GALNT17: variants seen among roughly 807,000 people sequenced by gnomAD.
GALNT17 encodes the protein polypeptide N-acetylgalactosaminyltransferase 17, also known as UDP-GalNAc:polypeptide N-acetylgalactosaminyltransferase-like 3.
Under a neutral mutation model 63.7 loss-of-function variants are expected in GALNT17, and 29 were observed. That is an observed-to-expected ratio of 0.46 (90% CI 0.34 to 0.62). The LOEUF (loss-of-function observed/expected upper bound fraction) is 0.62. Among genes scored for constraint, GALNT17 ranks in the 20% least tolerant of loss-of-function variants. The probability of loss-of-function intolerance (pLI) is 0.01; values close to 1 mark genes in which losing one functional copy is unlikely to be tolerated. For missense variants in GALNT17, 603 were observed against 799.6 expected (o/e 0.75, Z 2.97); for synonymous variants, 305 against 318.3 (o/e 0.96, Z 0.45).
At chr7:71,527,342 C>T (rs758168474) in intron 5 of GALNT17, among the ~76,000 whole-genome samples, 37 of 152,080 alleles carry the variant, frequency 2.4e-4, no homozygotes, top group East Asian at 1.9e-4. Context: ...TGCATAACAC[C>T]GCCGTTTAAA....
At position 71,346,406 on chromosome 7, in the gene GALNT17, C is replaced by G. The variant is rs551816047; in HGVS notation, c.422+10673C>G. 6.2e-4 allele frequency among the ~76,000 whole-genome samples: 95 copies of G among 152,126 alleles called. 1 individual carries two copies. Among genetic ancestry groups the G allele is most frequent in the African/African-American group, 2.1e-3 (89 of 41,494 alleles). On this transcript the variant is annotated intron_variant, in intron 2 of 10. Coordinates refer to ENST00000333538, the MANE Select transcript of GALNT17 (RefSeq NM_022479.3). Reference sequence around the variant, plus strand: ...ATAATTTTTCCCTTTTATTGACTACCTTTTATGTTTTTGTCGCTGTATGGC... The same window carrying G: ...ATAATTTTTCCCTTTTATTGACTACGTTTTATGTTTTTGTCGCTGTATGGC...
intron 6 of GALNT17, among the ~76,000 whole-genome samples, chr7:71,631,443 G>A (rs2116989434): frequency 6.6e-6 from 1 of 152,044 alleles, no homozygotes; most frequent in South Asian, 2.1e-4. Context: ...TCCCTTATTG[G>A]CCTCCCAAAG....
chr7:71,287,608 C>T (rs1019103405), intron 1 of GALNT17, among the ~76,000 whole-genome samples: 1 of 152,142 alleles, frequency 6.6e-6, no homozygotes, highest in African/African-American at 2.4e-5. Context: ...TCTGACTCCT[C>T]CAAAAGGTAA....
At chr7:71,514,821 T>C (rs547587968) in intron 5 of GALNT17, among the ~76,000 whole-genome samples, 3 of 152,324 alleles carry the variant, frequency 2.0e-5, no homozygotes, top group Admixed American at 6.5e-5. Flanking sequence ...CCACCTGATA[T>C]GGTTTGGCTG....
In GALNT17 at chr7:71,614,864, CAAAG is replaced by C. The variant is rs989494531; in HGVS notation, c.1080+43466_1080+43469del. Among the ~76,000 whole-genome samples, 9 of 87,438 alleles carry C rather than the reference CAAAG, an allele frequency of 1.0e-4. No homozygotes were observed. The South Asian group carries it at 2.6e-3, about 25-fold the overall frequency. The allele number at this position is 87,438 out of a possible 152,430, so 57.4% of individuals were successfully genotyped here. A position where few individuals can be genotyped will look rare whatever the true frequency, so the allele number is the denominator to read the frequency against. On this transcript the variant is annotated intron_variant, in intron 6 of 10. Coordinates refer to ENST00000333538, the MANE Select transcript of GALNT17 (RefSeq NM_022479.3). ...GAGGAGAGAGAAAGAAACAGAAAAACAAAGAAACAGGGAGGGAAGGGAGGGAGGG... is the reference window on the plus strand; with the variant it reads ...GAGGAGAGAGAAAGAAACAGAAAAACAAACAGGGAGGGAAGGGAGGGAGGG...
intron 3 of GALNT17, among the ~76,000 whole-genome samples, chr7:71,412,179 C>T (rs1009226557): frequency 1.6e-4 from 24 of 152,190 alleles, no homozygotes; most frequent in Non-Finnish European, 5.9e-5. Context: ...GTGGTGCACG[C>T]CTTTAGTTCC....
chr7:71,482,374 G>A (rs919979421), intron 5 of GALNT17, among the ~76,000 whole-genome samples: 2 of 151,998 alleles, frequency 1.3e-5, no homozygotes, highest in South Asian at 2.1e-4. Context: ...GGCCTCCAAC[G>A]CCTGACCTCA....
chr7:71,288,341 A>G (rs1790915386), intron 1 of GALNT17, among the ~76,000 whole-genome samples: 1 of 152,108 alleles, frequency 6.6e-6, no homozygotes, highest in Admixed American at 6.5e-5. Context: ...TGAGCAGGAA[A>G]AGGGAGAGGA....
intron 2 of GALNT17, among the ~76,000 whole-genome samples, chr7:71,387,682 AAAG>A (rs1244327437): frequency 2.2e-4 from 34 of 152,126 alleles, no homozygotes; most frequent in Admixed American, 2.6e-4. Flanking sequence ...AGGCATCAGC[AAAG>A]AAGGTTTCAG....
intron 1 of GALNT17, among the ~76,000 whole-genome samples, chr7:71,195,389 A>G (rs919823607): frequency 1.0e-4 from 11 of 109,960 alleles, no homozygotes; most frequent in South Asian, 2.9e-4. Context: ...AATATTTTCA[A>G]TTTTTTTGTA....
intron 1 of GALNT17, among the ~76,000 whole-genome samples, chr7:71,158,613 G>T (rs1788281741): frequency 6.6e-6 from 1 of 151,254 alleles, no homozygotes; most frequent in South Asian, 2.1e-4. Context: ...ATCTCGCTCT[G>T]TTGCCCAGGC....
At chr7:71,224,994 G>T (rs915778982) in intron 1 of GALNT17, among the ~76,000 whole-genome samples, 2 of 151,746 alleles carry the variant, frequency 1.3e-5, no homozygotes, top group Non-Finnish European at 2.9e-5. Context: ...TTCTTTTTGA[G>T]ACAGAGTCTC....
chr7:71,288,695 A>T (rs1790923212), intron 1 of GALNT17, among the ~76,000 whole-genome samples: 1 of 151,874 alleles, frequency 6.6e-6, no homozygotes, highest in African/African-American at 2.4e-5. Context: ...TTGCTTCCTC[A>T]TTTTCTGCTT....
intron 5 of GALNT17, among the ~76,000 whole-genome samples, chr7:71,471,045 T>C (rs1467084185): frequency 6.6e-6 from 1 of 152,080 alleles, no homozygotes; most frequent in African/African-American, 2.4e-5. Flanking sequence ...CTTCTAAAAG[T>C]AGAGCTCAGC....
intron 6 of GALNT17, among the ~76,000 whole-genome samples, chr7:71,575,769 A>T (rs891552483): frequency 6.6e-6 from 1 of 152,012 alleles, no homozygotes; most frequent in African/African-American, 2.4e-5. Context: ...TTTTAATTCC[A>T]TCCTCAGTAA....
At chr7:71,442,167 A>G (rs575274132) in intron 5 of GALNT17, among the ~76,000 whole-genome samples, 1 of 152,166 alleles carries the variant, frequency 6.6e-6, no homozygotes, top group East Asian at 1.9e-4. Context: ...CTTTTTCATA[A>G]TAGCCATTCA....
chr7:71,393,324 G>A (rs536818251), intron 3 of GALNT17, among the ~76,000 whole-genome samples: 1 of 151,788 alleles, frequency 6.6e-6, no homozygotes, highest in South Asian at 2.1e-4. Context: ...TTACAATTTT[G>A]TTTTCTGATC....
At chr7:71,517,012 A>G (rs1788456016) in intron 5 of GALNT17, among the ~76,000 whole-genome samples, 1 of 152,180 alleles carries the variant, frequency 6.6e-6, no homozygotes, top group Non-Finnish European at 1.5e-5. Context: ...TCTTGTCGCC[A>G]TTGCTCAGAG....
intron 1 of GALNT17, among the ~76,000 whole-genome samples, chr7:71,250,164 T>G (rs1790170395): frequency 6.6e-6 from 1 of 152,234 alleles, no homozygotes; most frequent in Non-Finnish European, 1.5e-5. Flanking sequence ...AGTTTCTCAT[T>G]CATCGTTTAA....
Sources: gnomAD v4.1 joint callset for allele counts (sites outside exome capture counted in the v4.1 genomes callset) on GRCh38, gnomAD v4.1.1 for gene constraint, MANE v1.5 for transcripts, NCBI Gene and HGNC (gene_info 2026-07-23, HGNC 2026-07-21) for gene names.